The following MADD variants were observed in gnomAD, a reference collection of about 807,000 sequenced individuals.
The protein encoded by MADD is MAP kinase-activating death domain protein.
MADD carries 109 observed loss-of-function variants against 176.7 expected under a neutral mutation model. The observed-to-expected ratio is 0.62, with a 90% confidence interval of 0.53 to 0.72. The LOEUF (loss-of-function observed/expected upper bound fraction) is 0.72, where lower values mean the gene tolerates loss of function less well. Among genes scored for constraint, MADD ranks in the 30% least tolerant of loss-of-function variants. The probability of loss-of-function intolerance (pLI) is 0.00; values close to 1 mark genes in which losing one functional copy is unlikely to be tolerated. For synonymous variants in MADD, 771 were observed against 771.3 expected (o/e 1.00, Z 0.01); for missense variants, 1,914 against 2,045.5 (o/e 0.94, Z 1.24).
chr11:47,274,175 T>A (rs2047623593), intron 2 of MADD, among the ~76,000 whole-genome samples, 199 bp downstream of exon 2: 1 of 152,198 alleles, frequency 6.6e-6, no homozygotes, highest in South Asian at 2.1e-4. Flanking sequence ...AACTAACATC[T>A]TCTTGATGTC....
intron 25 of MADD, among the ~76,000 whole-genome samples, chr11:47,310,027 A>C (rs1033484908): frequency 2.6e-5 from 4 of 151,696 alleles, no homozygotes; most frequent in African/African-American, 9.7e-5. Flanking sequence ...TTTTTAGTAG[A>C]GACAGGGTTT....
chr11:47,270,509 G>A (rs1216107145), intron 1 of MADD: 17 of 149,338 alleles, frequency 1.1e-4, no homozygotes, highest in African/African-American at 4.2e-4. Flanking sequence ...GGGCGGGGGC[G>A]GGGGCGGGGG....
At chr11:47,307,956 A>C (rs531455181) in intron 22 of MADD, among the ~76,000 whole-genome samples, 1 of 152,384 alleles carries the variant, frequency 6.6e-6, no homozygotes, top group African/African-American at 2.4e-5. Context: ...GGCGTGAGCC[A>C]CTGCACCCAG....
intron 31 of MADD, 199 bp downstream of exon 35, chr11:47,327,006 A>C: frequency 1.5e-6 from 2 of 1,342,484 alleles, no homozygotes; most frequent in Non-Finnish European, 1.9e-6. Flanking sequence ...TGGATCGCAG[A>C]AGAGCAAATG....
intron 5 of MADD, 70 bp from the exon 6 acceptor site, chr11:47,278,095 G>A: frequency 1.0e-6 from 1 of 998,132 alleles, no homozygotes; most frequent in East Asian, 2.4e-5. Context: ...TTATCTAGAA[G>A]AATCCAGACT....
intron 19 of MADD, among the ~76,000 whole-genome samples, chr11:47,293,341 G>T (rs1401763978): frequency 2.0e-5 from 3 of 149,014 alleles, no homozygotes; most frequent in African/African-American, 7.4e-5. Context: ...TTGCTCTGCT[G>T]CTCAGGCTGG....
chr11:47,304,307 C>T (rs965066026), intron 22 of MADD, among the ~76,000 whole-genome samples: 2 of 151,460 alleles, frequency 1.3e-5, no homozygotes, highest in Non-Finnish European at 2.9e-5. Context: ...CTCGGCTCAC[C>T]GCAACCTCTG....
intron 15 of MADD, 70 bp from the exon 16 acceptor site, chr11:47,288,898 C>A: frequency 1.8e-6 from 2 of 1,106,146 alleles, no homozygotes; most frequent in Non-Finnish European, 2.7e-6. Context: ...ATCTGGCTTA[C>A]TGCTCCTCGG....
chr11:47,328,884 C>T (rs1431781168), intron 32 of MADD, among the ~76,000 whole-genome samples, 162 bp from the exon 37 acceptor site: 1 of 152,164 alleles, frequency 6.6e-6, no homozygotes, highest in Non-Finnish European at 1.5e-5. Flanking sequence ...CACACACACA[C>T]GGATCCCCTC....
intron 22 of MADD, among the ~76,000 whole-genome samples, chr11:47,305,140 T>C (rs1334703678): frequency 1.3e-5 from 2 of 152,142 alleles, no homozygotes; most frequent in Non-Finnish European, 2.9e-5. Flanking sequence ...CTCATTTTCC[T>C]CACAATGGAG....
chr11:47,304,639 T>C (rs889099405), intron 22 of MADD, among the ~76,000 whole-genome samples: 1 of 152,260 alleles, frequency 6.6e-6, no homozygotes, highest in African/African-American at 2.4e-5. Flanking sequence ...TATCATGAAC[T>C]GTTCTTCTGA....
chr11:47,292,423 T>C, intron 19 of MADD, 120 bp from the exon 21 acceptor site: 1 of 831,160 alleles, frequency 1.2e-6, no homozygotes, highest in South Asian at 1.4e-5. Flanking sequence ...TTTGTATCTC[T>C]TGGTTGGTAA....
intron 10 of MADD, among the ~76,000 whole-genome samples, 198 bp downstream of exon 10, chr11:47,283,167 C>T (rs182372088): frequency 1.3e-5 from 2 of 152,212 alleles, no homozygotes; most frequent in African/African-American, 4.8e-5. Flanking sequence ...AATCTCGGCT[C>T]ACTGCCAGCT....
chr11:47,275,020 C>T, exon 3 of MADD: 1 of 1,614,264 alleles, frequency 6.2e-7, no homozygotes, highest in Non-Finnish European at 8.5e-7. Context: ...CAACAGTACT[C>T]TCACGTCCCT....
chr11:47,275,320 C>G (rs1175863699), intron 3 of MADD, among the ~76,000 whole-genome samples, 161 bp downstream of exon 3: 1 of 152,234 alleles, frequency 6.6e-6, no homozygotes, highest in Non-Finnish European at 1.5e-5. Context: ...TGGAGACAGT[C>G]TCGCTCTGTT....
intron 15 of MADD, among the ~76,000 whole-genome samples, chr11:47,288,406 G>A (rs531473169): frequency 1.6e-4 from 24 of 152,346 alleles, no homozygotes; most frequent in African/African-American, 2.4e-4. Flanking sequence ...TGAAAGGAGC[G>A]AACTAGCACT....
chr11:47,302,274 C>T (rs534817742), intron 22 of MADD, among the ~76,000 whole-genome samples: 4 of 152,112 alleles, frequency 2.6e-5, no homozygotes, highest in East Asian at 3.9e-4. Flanking sequence ...AGTGCAGTGG[C>T]GCAATCTCCG....
At chr11:47,326,106 T>G (rs1201825847) in intron 30 of MADD, among the ~76,000 whole-genome samples, 2 of 150,696 alleles carry the variant, frequency 1.3e-5, no homozygotes, top group Admixed American at 6.6e-5. Flanking sequence ...GCAAAGAAAC[T>G]TTCTGATCCA....
intron 28 of MADD, 56 bp downstream of exon 31, chr11:47,323,891 A>G (rs1473951547): frequency 6.4e-7 from 1 of 1,569,896 alleles, no homozygotes; most frequent in Admixed American, 1.7e-5. Context: ...CCAAATAGTG[A>G]ATTTCTCTTT....
Sources: allele counts gnomAD v4.1 joint callset (sites outside exome capture counted in the v4.1 genomes callset), GRCh38; gene constraint gnomAD v4.1.1; transcripts MANE v1.5; gene names NCBI Gene and HGNC (gene_info 2026-07-23, HGNC 2026-07-21).